The following OLFM3 variants were observed in gnomAD, a reference collection of about 807,000 sequenced individuals.
OLFM3 encodes noelin-3.
Under a neutral mutation model 48.6 loss-of-function variants are expected in OLFM3, and 20 were observed. The ratio of observed to expected loss-of-function variants is 0.41; its 90% CI spans 0.29 to 0.60. The LOEUF (loss-of-function observed/expected upper bound fraction) is 0.60, where lower values mean the gene tolerates loss of function less well. OLFM3 is among the 20% of genes least tolerant of loss of function. The pLI, the probability that OLFM3 is intolerant of heterozygous loss-of-function variation, is 0.28. For missense variants in OLFM3, 437 were observed against 544.3 expected, an observed-to-expected ratio of 0.80 and a Z score of 1.96; for synonymous variants, 222 against 198.1, an observed-to-expected ratio of 1.12 and a Z score of -1.01.
intron 2 of OLFM3, among the ~76,000 whole-genome samples, chr1:101,834,137 T>G (rs1359637669): frequency 6.6e-6 from 1 of 152,184 alleles, no homozygotes; most frequent in Admixed American, 6.5e-5. Context: ...AAACAGAGCA[T>G]CACTTAAATA....
intron 2 of OLFM3, among the ~76,000 whole-genome samples, chr1:101,836,437 C>T (rs1400427277): frequency 6.6e-6 from 1 of 152,168 alleles, no homozygotes; most frequent in African/African-American, 2.4e-5. Context: ...TGATGATAAA[C>T]ACTTGGAATT....
intron 1 of OLFM3, among the ~76,000 whole-genome samples, chr1:101,890,647 AAATT>A (rs1341566872): frequency 1.3e-5 from 2 of 151,978 alleles, no homozygotes; most frequent in African/African-American, 4.8e-5. Context: ...TATCTGCATA[AAATT>A]AATTATTTCA....
chr1:101,817,611 T>C (rs1349788160), intron 4 of OLFM3, among the ~76,000 whole-genome samples: 1 of 152,036 alleles, frequency 6.6e-6, no homozygotes, highest in Non-Finnish European at 1.5e-5. Context: ...TTTATTTGTT[T>C]ACATATATAT....
chr1:101,822,082 T>C (rs1654631174), intron 4 of OLFM3, among the ~76,000 whole-genome samples: 1 of 152,118 alleles, frequency 6.6e-6, no homozygotes, highest in Non-Finnish European at 1.5e-5. Flanking sequence ...AATGCGTGCC[T>C]ACTTAGATTA....
chr1:101,826,345 A>G (rs1654866387), intron 3 of OLFM3, among the ~76,000 whole-genome samples: 2 of 152,078 alleles, frequency 1.3e-5, no homozygotes, highest in Non-Finnish European at 2.9e-5. Context: ...TTATTTCAGG[A>G]GTTTGATTCA....
intron 1 of OLFM3, among the ~76,000 whole-genome samples, chr1:101,930,690 T>C (rs995167021): frequency 6.6e-6 from 1 of 152,186 alleles, no homozygotes; most frequent in Non-Finnish European, 1.5e-5. Flanking sequence ...TAAAGAAAAG[T>C]GTAGTCACTA....
intron 1 of OLFM3, among the ~76,000 whole-genome samples, chr1:101,985,550 G>C (rs933146976): frequency 6.6e-6 from 1 of 152,166 alleles, no homozygotes; most frequent in African/African-American, 2.4e-5. Context: ...CATATAGACA[G>C]AAGCTAGATA....
chr1:101,917,383 C>CAA lies in OLFM3; in HGVS notation c.69+79364_69+79365insTT, dbSNP rs1299187653. 5.3e-4 allele frequency among the ~76,000 whole-genome samples: 80 copies of CAA among 151,976 alleles called. 1 individual carries two copies. Among genetic ancestry groups the CAA allele is most frequent in the African/African-American group, 1.8e-3 (74 of 41,442 alleles). ...AGTGTTTCTTTTTGTAAACACTGCA[C>CAA]CAAAAATAAAAATAAAAGCCATAAA... On this transcript the variant is annotated intron_variant, in intron 1 of 5. Transcript: ENST00000370103.
At chr1:101,813,065 G>A (rs1570506935) in intron 4 of OLFM3, 3 of 1,276,022 alleles carry the variant, frequency 2.4e-6, no homozygotes, top group Middle Eastern at 2.2e-4. Flanking sequence ...CAAGTCGCGT[G>A]TTATAGCTTC....
Position 101,803,785 on chromosome 1 carries a change from C to T in OLFM3, c.*453G>A, listed in dbSNP as rs1464027943. 2.0e-5 allele frequency: 3 copies of T among 152,468 alleles called. No individual in the cohort carries two copies. The Admixed American group carries it at 2.0e-4, about 10-fold the overall frequency. 9.4% of individuals were successfully genotyped at this position (152,468 alleles called of 1,614,324 possible). The stretch of plus-strand genomic sequence containing the variant: ...TTTTTCAATATAAATGAAATCCTTA[C>T]ATTTTTTAAAGAAATAAATGGGATA... On this transcript the variant is annotated 3_prime_UTR_variant, in exon 6 of 6. Coordinates refer to ENST00000370103, the MANE Select transcript of OLFM3 (RefSeq NM_058170.4).
intron 1 of OLFM3, among the ~76,000 whole-genome samples, chr1:101,936,865 C>T (rs1406995967): frequency 6.6e-6 from 1 of 152,136 alleles, no homozygotes; most frequent in African/African-American, 2.4e-5. Flanking sequence ...AGAAATGGCT[C>T]CATATTCAAT....
chr1:101,896,923 G>T (rs1658229832), intron 1 of OLFM3, among the ~76,000 whole-genome samples: 1 of 151,990 alleles, frequency 6.6e-6, no homozygotes, highest in African/African-American at 2.4e-5. Context: ...AAAATTCTTA[G>T]GAGAAAAGAT....
intron 1 of OLFM3, among the ~76,000 whole-genome samples, chr1:101,848,249 G>T (rs1656087920): frequency 6.6e-6 from 1 of 152,032 alleles, no homozygotes; most frequent in South Asian, 2.1e-4. Context: ...AAAAGAAATT[G>T]GTTACAAAAA....
chr1:101,993,747 C>A (rs138158430), intron 1 of OLFM3, among the ~76,000 whole-genome samples: 1 of 151,588 alleles, frequency 6.6e-6, no homozygotes, highest in African/African-American at 2.4e-5. Flanking sequence ...AAAAGAATAC[C>A]AATCTTGCCA....
intron 1 of OLFM3, among the ~76,000 whole-genome samples, chr1:101,935,096 A>T (rs1659568083): frequency 6.6e-6 from 1 of 152,074 alleles, no homozygotes. Context: ...CAAAGGTAGC[A>T]GAAGACAAGA....
chr1:101,877,641 T>C (rs991366291), intron 1 of OLFM3, among the ~76,000 whole-genome samples: 2 of 151,858 alleles, frequency 1.3e-5, no homozygotes, highest in East Asian at 1.9e-4. Flanking sequence ...TTTGGGCTTT[T>C]AGTGTTTTGA....
At chr1:101,914,623 C>T (rs12079561) in intron 1 of OLFM3, among the ~76,000 whole-genome samples, 4,185 of 152,168 alleles carry the variant, frequency 0.028, 198 homozygotes, top group African/African-American at 0.096. Context: ...TCTAATAGTG[C>T]TATAATGCTG....
chr1:101,846,765 T>C (rs1656013586), intron 1 of OLFM3: 1 of 1,051,920 alleles, frequency 9.5e-7, no homozygotes, highest in Non-Finnish European at 1.5e-6. Flanking sequence ...AAGCAAAATC[T>C]TAGCCTTTGC....
intron 1 of OLFM3, among the ~76,000 whole-genome samples, chr1:101,975,184 T>C (rs892863567): frequency 2.0e-5 from 3 of 152,194 alleles, no homozygotes; most frequent in African/African-American, 7.2e-5. Context: ...ACAATTGCTG[T>C]TTGGGTACAG....
Sources: allele counts gnomAD v4.1 joint callset (sites outside exome capture counted in the v4.1 genomes callset), GRCh38; gene constraint gnomAD v4.1.1; transcripts MANE v1.5; gene names NCBI Gene and HGNC (gene_info 2026-07-23, HGNC 2026-07-21).